The following ATP7B variants were observed in gnomAD, a reference collection of about 807,000 sequenced individuals.
ATP7B encodes the protein copper-transporting ATPase 2.
In ATP7B, 113 loss-of-function variants were observed where a neutral mutation model predicts 118.9. The ratio of observed to expected loss-of-function variants is 0.95; its 90% CI spans 0.82 to 1.11. The LOEUF (loss-of-function observed/expected upper bound fraction) is 1.11, where lower values mean the gene tolerates loss of function less well. Ranked by LOEUF, ATP7B falls within the 50% of genes most tolerant of loss-of-function variation. ATP7B has a pLI of 0.00. For missense variants in ATP7B, 1,867 were observed against 1,871.4 expected (o/e 1.00, Z 0.04); for synonymous variants, 777 against 727.4 (o/e 1.07, Z -1.10).
chr13:51,976,895 G>A (rs1952145155), intron 1 of ATP7B, among the ~76,000 whole-genome samples: 1 of 152,190 alleles, frequency 6.6e-6, no homozygotes, highest in Non-Finnish European at 1.5e-5. Flanking sequence ...GTGAGTCGGT[G>A]AATGAGTGTT....
chr13:51,973,786 T>C, intron 2 of ATP7B, 149 bp downstream of exon 2: 1 of 1,227,310 alleles, frequency 8.1e-7, no homozygotes, highest in South Asian at 1.3e-5. Flanking sequence ...TCTTAACAAA[T>C]TTAACATGCA....
In ATP7B at chr13:51,942,495, T is replaced by G. The variant is rs1475867908; in HGVS notation, c.3303A>C (p.Gly1101=). Residue 1101 remains glycine (G), a synonymous_variant, in exon 15 of 21, where the codon GGA becomes GGC. Coordinates refer to ENST00000242839, the MANE Select transcript of ATP7B (RefSeq NM_000053.4). ...CTDFQAVPGC[G]IGCKVSNVEG... ...CCACGTTGCTGACTTTGCACCCAAT[T>G]CCACAGCCTGGCACTGCCTGGAAGT... 2.0e-5 allele frequency: 33 copies of G among 1,614,026 alleles called. No individual in the cohort carries two copies. The Admixed American group carries it at 4.7e-4, about 23-fold the overall frequency.
chr13:51,997,985 T>C (rs1359868238), intron 1 of ATP7B, among the ~76,000 whole-genome samples: 2 of 152,186 alleles, frequency 1.3e-5, no homozygotes, highest in African/African-American at 4.8e-5. Context: ...GCCACCTTCC[T>C]AGGCTACAGT....
At chr13:51,956,152 A>G (rs1212906797) in intron 9 of ATP7B, among the ~76,000 whole-genome samples, 3 of 152,200 alleles carry the variant, frequency 2.0e-5, no homozygotes, top group Admixed American at 2.0e-4. Context: ...GATCATTTAA[A>G]AGCCAGGATC....
intron 1 of ATP7B, chr13:51,979,032 A>G (rs1270889190): frequency 6.6e-6 from 1 of 152,404 alleles, no homozygotes; most frequent in Admixed American, 6.5e-5. Flanking sequence ...TCTCTTTATG[A>G]CTAGGTGGGG....
chr13:51,970,513 T>G lies in ATP7B; in HGVS notation c.1522A>C (p.Arg508=). The G allele has an allele frequency of 6.2e-7, 1 of 1,614,202 alleles. No homozygotes were observed. The highest frequency in any genetic ancestry group is 8.5e-7 in the Non-Finnish European group (1 of 1,180,020). ...TCASCVSNIE[R]NLQKEAGVLS... ...TTACCAGCTTCTTTCTGCAGATTCC[T>G]TTCTATGTTAGACACACAGGATGCA... The change falls in exon 3 of 21, where the codon AGG becomes CGG. Residue 508 remains arginine (R), a synonymous_variant. Coordinates refer to ENST00000242839, the MANE Select transcript of ATP7B (RefSeq NM_000053.4).
At position 51,949,871 on chromosome 13, in the gene ATP7B, GAT is replaced by G. The variant is rs545046413; in HGVS notation, c.2731-77_2731-76del. On this transcript the variant is annotated intron_variant, in intron 11 of 20. Transcript: ENST00000242839. Reference sequence around the variant, plus strand: ...ATAAAACACCACAAGCATGGATAAAGATTGGGATAATCTCCTTCATTTAACCA... The same window carrying G: ...ATAAAACACCACAAGCATGGATAAAGTGGGATAATCTCCTTCATTTAACCA... 315 of 1,611,396 alleles carry G rather than the reference GAT, an allele frequency of 2.0e-4. No homozygotes were observed. The African/African-American group carries it at 3.8e-3, about 19-fold the overall frequency.
rs563377823 is a variant in ATP7B at position 51,956,329 on chromosome 13, C to T, written c.2447+1187G>A. Among the ~76,000 whole-genome samples, 12 of 152,342 alleles carry T rather than the reference C, an allele frequency of 7.9e-5. 2 individuals carry two copies. In the South Asian group the frequency reaches 2.5e-3, roughly 32 times the overall value. ...AGCAAGGGGTCTGTCTCAGCCTTCA[C>T]GCCCAGGCCTCCAGGACACAGCTAG... On this transcript the variant is annotated intron_variant, in intron 9 of 20. Transcript: ENST00000242839.
intron 3 of ATP7B, among the ~76,000 whole-genome samples, chr13:51,969,568 T>C (rs1327068412): frequency 6.6e-6 from 1 of 152,194 alleles, no homozygotes; most frequent in Non-Finnish European, 1.5e-5. Flanking sequence ...ACAATCTTGC[T>C]AACACTATTG....
chr13:51,942,053 CA>C (rs1319420960), intron 15 of ATP7B, among the ~76,000 whole-genome samples: 1 of 152,154 alleles, frequency 6.6e-6, no homozygotes, highest in Non-Finnish European at 1.5e-5. Flanking sequence ...TTCTACCATA[CA>C]GAATGGAAAC....
At chr13:52,009,703 T>C (rs911622212) in intron 1 of ATP7B, among the ~76,000 whole-genome samples, 8 of 152,324 alleles carry the variant, frequency 5.3e-5, no homozygotes, top group African/African-American at 1.9e-4. Context: ...TCCTACGCTA[T>C]ACATTTGTTT....
rs773527867 is a variant in ATP7B, at chr13:51,949,740, G to A, written c.2787C>T (p.Ile929=). ...RFSGYFVPFI[I]IMSTLTLVVW... ...CCACCAACGTCAAAGTTGACATGATGATGATAAATGGGACAAAATATCCAC... is the reference window on the plus strand; with the variant it reads ...CCACCAACGTCAAAGTTGACATGATAATGATAAATGGGACAAAATATCCAC... The change falls in exon 12 of 21, where the codon ATC becomes ATT. Residue 929 remains isoleucine (I), a synonymous_variant. Coordinates refer to ENST00000242839, the MANE Select transcript of ATP7B (RefSeq NM_000053.4). The A allele has an allele frequency of 1.1e-5, 18 of 1,614,014 alleles. No individual in the cohort carries two copies. Among genetic ancestry groups the A allele is most frequent in the Non-Finnish European group, 1.4e-5 (16 of 1,180,020 alleles).
At chr13:51,953,477 T>C (rs1384140734) in intron 9 of ATP7B, among the ~76,000 whole-genome samples, 1 of 152,256 alleles carries the variant, frequency 6.6e-6, no homozygotes, top group Non-Finnish European at 1.5e-5. Context: ...TGCTAATCTC[T>C]GTTAAATCTA....
intron 1 of ATP7B, among the ~76,000 whole-genome samples, chr13:51,976,698 C>T (rs947118287): frequency 1.3e-5 from 2 of 152,310 alleles, no homozygotes; most frequent in South Asian, 2.1e-4. Context: ...AGGCCACACA[C>T]CTGTACAGCA....
upstream of ATP7B, chr13:52,012,099 G>GCAGGCGCC (rs1415128318): frequency 1.9e-6 from 1 of 520,712 alleles, no homozygotes; most frequent in Non-Finnish European, 3.5e-6. Flanking sequence ...GAACGGGGGC[G>GCAGGCGCC]CAGGCGCCCA....
rs535089325 is a variant in ATP7B, at chr13:51,964,882, T to G, written c.1859A>C (p.Lys620Thr). The change falls in exon 5 of 21, where the codon AAA becomes ACA. Residue 620 changes from lysine to threonine, a missense_variant. Coordinates refer to ENST00000242839, the MANE Select transcript of ATP7B (RefSeq NM_000053.4). ...PEIIGPRDII[K>T]IIEEIGFHAS... The stretch of plus-strand genomic sequence containing the variant: ...TAATGAATTACTTACCTCAATAATT[T>G]TGATAATATCCCGTGGACCGATAAT... The G allele has an allele frequency of 6.2e-7, 1 of 1,614,206 alleles. No individual in the cohort carries two copies. Among genetic ancestry groups the G allele is most frequent in the East Asian group, 2.2e-5 (1 of 44,890 alleles).
rs1332853869 is a variant in ATP7B at position 51,939,073 on chromosome 13, GTCT to G, written c.3674_3676del (p.Lys1225del). On this transcript the variant is annotated inframe_deletion, in exon 17 of 21. Coordinates refer to ENST00000242839, the MANE Select transcript of ATP7B (RefSeq NM_000053.4). ...TACCTGGGTGGCAATAGCTCTGGCT[GTCT>G]TCCGGTTGTCCCCCGTGATCAGAAC... 2 of 1,614,252 alleles carry G rather than the reference GTCT, an allele frequency of 1.2e-6. No homozygotes were observed. The highest frequency in any genetic ancestry group is 1.7e-6 in the Non-Finnish European group (2 of 1,180,044).
chr13:51,956,009 A>T (rs1958323110), intron 9 of ATP7B, among the ~76,000 whole-genome samples: 1 of 152,236 alleles, frequency 6.6e-6, no homozygotes, highest in Non-Finnish European at 1.5e-5. Context: ...TCCTGAGGAA[A>T]GCTGGGATGA....
rs571268695 is a variant in ATP7B, at chr13:52,006,924, C to T, written c.51+4363G>A. Among the ~76,000 whole-genome samples the T allele has an allele frequency of 3.3e-5, 5 of 152,270 alleles. No individual in the cohort carries two copies. In the South Asian group the frequency reaches 1.0e-3, roughly 32 times the overall value. ...TTCTGTGGGTGCTGTACCATGTAGA[C>T]AGCTCTGTCCCAGCATGCATCCAGC... On this transcript the variant is annotated intron_variant, in intron 1 of 20. Transcript: ENST00000242839.
Sources: allele counts gnomAD v4.1 joint callset (sites outside exome capture counted in the v4.1 genomes callset), GRCh38; gene constraint gnomAD v4.1.1; transcripts MANE v1.5; gene names NCBI Gene and HGNC (gene_info 2026-07-23, HGNC 2026-07-21).